The following CNNM2 variants were observed in gnomAD, a reference collection of about 807,000 sequenced individuals.
CNNM2 encodes the protein metal transporter CNNM2.
In CNNM2, 12 loss-of-function variants were observed where a neutral mutation model predicts 66.9. The observed-to-expected ratio is 0.18, with a 90% CI of 0.11 to 0.29. The LOEUF (loss-of-function observed/expected upper bound fraction) is 0.29. CNNM2 is among the 10% of genes least tolerant of loss of function. CNNM2 has a pLI of 1.00. For missense variants in CNNM2, 705 were observed against 1,167.7 expected (o/e 0.60, Z 5.77); for synonymous variants, 557 against 501.8 (o/e 1.11, Z -1.47).
In CNNM2 at chr10:103,090,107, C is replaced by T. The variant is rs759454268; in HGVS notation, c.*12927C>T. 2.2e-6 allele frequency: 1 copy of T among 462,086 alleles called. No homozygotes were observed. Among genetic ancestry groups the T allele is most frequent in the Non-Finnish European group, 3.8e-6 (1 of 264,880 alleles). 28.6% of individuals were successfully genotyped at this position (462,086 alleles called of 1,614,324 possible). A position where few individuals can be genotyped will look rare whatever the true frequency, so the allele number is the denominator to read the frequency against. ...TCTCCCTGCCCCTCAAAATGGTGCC[C>T]ATATTGTCTACTGCAGCTGGAAATT... On this transcript the variant is annotated 3_prime_UTR_variant, in exon 8 of 8. Transcript: ENST00000369878.
chr10:103,044,042 T>C (rs1289042065), intron 1 of CNNM2, among the ~76,000 whole-genome samples: 3 of 152,240 alleles, frequency 2.0e-5, no homozygotes, highest in Non-Finnish European at 2.9e-5. Context: ...TATATGCAGT[T>C]TATAAAGTTT....
At chr10:102,978,846 T>G (rs2063677968) in intron 1 of CNNM2, among the ~76,000 whole-genome samples, 2 of 152,216 alleles carry the variant, frequency 1.3e-5, no homozygotes, top group South Asian at 4.1e-4. Context: ...TTTTGTACTT[T>G]ATCTATAATA....
intron 1 of CNNM2, among the ~76,000 whole-genome samples, chr10:102,947,605 G>C (rs896628741): frequency 6.6e-6 from 1 of 151,736 alleles, no homozygotes; most frequent in Non-Finnish European, 1.5e-5. Context: ...ACAAAAATTA[G>C]CTGGGCGTAG....
chr10:103,065,122 T>C (rs183863993), intron 4 of CNNM2, among the ~76,000 whole-genome samples: 1 of 152,170 alleles, frequency 6.6e-6, no homozygotes, highest in African/African-American at 2.4e-5. Context: ...GTCTGGAGTT[T>C]TGAGTCTTGC....
At chr10:102,924,945 G>T (rs1388690792) in intron 1 of CNNM2, among the ~76,000 whole-genome samples, 1 of 152,140 alleles carries the variant, frequency 6.6e-6, no homozygotes, top group East Asian at 1.9e-4. Flanking sequence ...ATCAGAGCTG[G>T]AAGGCAGGCA....
chr10:102,921,015 C>G (rs1845613425), intron 1 of CNNM2: 1 of 876,670 alleles, frequency 1.1e-6, no homozygotes, highest in South Asian at 5.3e-5. Flanking sequence ...CTTGATCATC[C>G]GATACATTAA....
At chr10:103,073,101 G>A (rs968724374) in intron 6 of CNNM2, among the ~76,000 whole-genome samples, 16 of 152,354 alleles carry the variant, frequency 1.1e-4, no homozygotes, top group Admixed American at 7.2e-4. Flanking sequence ...GCTGGCGCCC[G>A]TCGAGCTGTT....
chr10:103,049,907 T>C, intron 2 of CNNM2, 57 bp downstream of exon 2: 5 of 1,560,408 alleles, frequency 3.2e-6, no homozygotes, highest in Non-Finnish European at 4.4e-6. Context: ...TGTTGTGCTG[T>C]TTGTGAGTCT....
At chr10:103,005,018 T>G (rs2064198283) in intron 1 of CNNM2, among the ~76,000 whole-genome samples, 1 of 152,118 alleles carries the variant, frequency 6.6e-6, no homozygotes, top group African/African-American at 2.4e-5. Context: ...GTTAAAGTGA[T>G]TCTCCTTCCT....
chr10:103,042,275 G>T (rs2065054976), intron 1 of CNNM2, among the ~76,000 whole-genome samples: 1 of 152,052 alleles, frequency 6.6e-6, no homozygotes, highest in Non-Finnish European at 1.5e-5. Context: ...TTGCTCCCGG[G>T]CCCACCATCC....
intron 1 of CNNM2, among the ~76,000 whole-genome samples, chr10:103,034,663 A>C (rs376450818): frequency 6.2e-4 from 95 of 152,268 alleles, no homozygotes; most frequent in African/African-American, 2.0e-3. Flanking sequence ...AAAAACTAAA[A>C]CCTTATAATG....
intron 1 of CNNM2, among the ~76,000 whole-genome samples, chr10:102,977,658 T>A (rs893788267): frequency 4.6e-5 from 7 of 152,094 alleles, no homozygotes; most frequent in African/African-American, 1.7e-4. Flanking sequence ...CTGTCTCTAC[T>A]AAAAATGCAA....
Position 103,077,221 on chromosome 10 carries a change from T to A in CNNM2, c.*41T>A, listed in dbSNP as rs1383634743. The A allele has an allele frequency of 3.2e-6, 5 of 1,575,972 alleles. No homozygotes were observed. Among genetic ancestry groups the A allele is most frequent in the Non-Finnish European group, 4.3e-6 (5 of 1,153,118 alleles). On this transcript the variant is annotated 3_prime_UTR_variant, in exon 8 of 8. Transcript: ENST00000369878. ...CCCGCCCAGGCCCGCACCCGCCCAGTCCCGAGGGCCCGGCCCTGTCTGCCC... is the reference window on the plus strand; with the variant it reads ...CCCGCCCAGGCCCGCACCCGCCCAGACCCGAGGGCCCGGCCCTGTCTGCCC...
intron 1 of CNNM2, among the ~76,000 whole-genome samples, chr10:103,024,564 C>T (rs375404193): frequency 5.3e-5 from 8 of 151,996 alleles, no homozygotes; most frequent in African/African-American, 1.7e-4. Context: ...CTGCAATCTC[C>T]GCCTCCCGGG....
At position 102,998,657 on chromosome 10, in the gene CNNM2, A is replaced by G. The variant is rs549822917; in HGVS notation, c.1622-51050A>G. On this transcript the variant is annotated intron_variant, in intron 1 of 7. Coordinates refer to ENST00000369878, the MANE Select transcript of CNNM2 (RefSeq NM_017649.5). ...TCACAGGTGACACGATCTTCTATAT[A>G]GAAAATGCTGAGGAATCGACTACAA... Among the ~76,000 whole-genome samples the G allele has an allele frequency of 1.1e-4, 17 of 152,294 alleles. No homozygotes were observed. In the South Asian group the frequency reaches 3.5e-3, roughly 32 times the overall value.
intron 4 of CNNM2, among the ~76,000 whole-genome samples, chr10:103,060,881 A>G (rs2065374283): frequency 6.6e-6 from 1 of 152,156 alleles, no homozygotes; most frequent in Non-Finnish European, 1.5e-5. Context: ...TGACAAAATA[A>G]AAGTCCTAAA....
chr10:103,076,820 C>A, intron 7 of CNNM2, 151 bp from the exon 8 acceptor site: 1 of 684,700 alleles, frequency 1.5e-6, no homozygotes. Flanking sequence ...CCAAAGTCAA[C>A]TTGAACTTGA....
In CNNM2 at chr10:102,934,275, C is replaced by CTT. The variant is rs67622312; in HGVS notation, c.1621+14176_1621+14177dup. On this transcript the variant is annotated intron_variant, in intron 1 of 7. Coordinates refer to ENST00000369878, the MANE Select transcript of CNNM2 (RefSeq NM_017649.5). ...AGCAAGTCTATTTCTTTCTTTCTTT[C>CTT]TTTCTTTTTTTTTTTTTGAGACAGA... Among the ~76,000 whole-genome samples, 117 of 135,360 alleles carry CTT rather than the reference C, an allele frequency of 8.6e-4. 3 individuals are homozygous for CTT. The highest frequency in any genetic ancestry group is 3.8e-3 in the South Asian group (16 of 4,224). The allele number at this position is 135,360 out of a possible 152,430, so 88.8% of individuals were successfully genotyped here.
chr10:103,055,924 C>T (rs1222578968), intron 3 of CNNM2, among the ~76,000 whole-genome samples: 2 of 151,958 alleles, frequency 1.3e-5, no homozygotes, highest in East Asian at 3.9e-4. Flanking sequence ...TCTATCTCCA[C>T]TAAAAATACA....
Sources: gnomAD v4.1 joint callset for allele counts (sites outside exome capture counted in the v4.1 genomes callset) on GRCh38, gnomAD v4.1.1 for gene constraint, MANE v1.5 for transcripts, NCBI Gene and HGNC (gene_info 2026-07-23, HGNC 2026-07-21) for gene names.